Variants in IGF1R observed in about 807,000 individuals in gnomAD.
IGF1R encodes the protein insulin-like growth factor 1 receptor.
IGF1R carries 44 observed loss-of-function variants against 144.6 expected under a neutral mutation model. The ratio of observed to expected loss-of-function variants is 0.30; its 90% CI spans 0.24 to 0.39. IGF1R has a LOEUF of 0.39. Among genes scored for constraint, IGF1R ranks in the 10% least tolerant of loss-of-function variants. IGF1R has a pLI of 1.00. For synonymous variants in IGF1R, 795 were observed against 722.8 expected (o/e 1.10, Z -1.60); for missense variants, 1,355 against 1,833.7 (o/e 0.74, Z 4.77).
In IGF1R at chr15:98,794,690, A is replaced by G. The variant is rs531131235; in HGVS notation, c.640+86583A>G. ...AACTGCTGTACAAATGTTTGCTGCTATTTGGTTGTAACAAAATCAGTAATG... is the reference window on the plus strand; with the variant it reads ...AACTGCTGTACAAATGTTTGCTGCTGTTTGGTTGTAACAAAATCAGTAATG... On this transcript the variant is annotated intron_variant, in intron 2 of 20. Coordinates refer to ENST00000650285, the MANE Select transcript of IGF1R (RefSeq NM_000875.5). Among the ~76,000 whole-genome samples, 6 of 152,340 alleles carry G rather than the reference A, an allele frequency of 3.9e-5. No individual in the cohort carries two copies. The East Asian group carries it at 1.2e-3, about 29-fold the overall frequency.
In IGF1R at chr15:98,920,043, T is replaced by C. The variant is rs1308455279; in HGVS notation, c.2202-2105T>C. 3.9e-5 allele frequency among the ~76,000 whole-genome samples: 6 copies of C among 152,382 alleles called. No individual in the cohort carries two copies. In the East Asian group the frequency reaches 1.2e-3, roughly 29 times the overall value. ...TTCTGAAGTCAATATTCGCAGTAAA[T>C]GCCTTTCTTTGACTACTGTCTTTAT... is the stretch of plus-strand genomic sequence containing the variant. On this transcript the variant is annotated intron_variant, in intron 10 of 20. Transcript: ENST00000650285.
At chr15:98,711,184 A>G (rs1186273512) in intron 2 of IGF1R, among the ~76,000 whole-genome samples, 2 of 152,156 alleles carry the variant, frequency 1.3e-5, no homozygotes, top group Non-Finnish European at 2.9e-5. Flanking sequence ...CATGAAGGGC[A>G]TTGAGTCCAG....
intron 13 of IGF1R, among the ~76,000 whole-genome samples, chr15:98,927,746 T>A (rs1192559279): frequency 3.3e-5 from 5 of 152,210 alleles, no homozygotes; most frequent in Non-Finnish European, 7.3e-5. Flanking sequence ...TTAAAATACT[T>A]CTAATTTTAA....
chr15:98,859,990 A>C, intron 2 of IGF1R, among the ~76,000 whole-genome samples: 1 of 152,076 alleles, frequency 6.6e-6, no homozygotes, highest in Non-Finnish European at 1.5e-5. Flanking sequence ...ATCTCGGCTC[A>C]CTGCAACCTT....
At chr15:98,694,272 G>A (rs1014173264) in intron 1 of IGF1R, among the ~76,000 whole-genome samples, 20 of 152,128 alleles carry the variant, frequency 1.3e-4, no homozygotes, top group African/African-American at 1.2e-4. Context: ...GGGGTGAGGC[G>A]GCTCCTCAAA....
At chr15:98,809,705 T>C (rs2056543725) in intron 2 of IGF1R, among the ~76,000 whole-genome samples, 1 of 152,214 alleles carries the variant, frequency 6.6e-6, no homozygotes, top group Non-Finnish European at 1.5e-5. Flanking sequence ...TTTTCCAACG[T>C]AAAGTGCTGC....
At chr15:98,702,054 T>TTTC (rs1555433471) in intron 1 of IGF1R, among the ~76,000 whole-genome samples, 3 of 150,196 alleles carry the variant, frequency 2.0e-5, no homozygotes, top group Non-Finnish European at 3.0e-5. Flanking sequence ...TTTTTTTTTT[T>TTTC]CCTAGGACCT....
intron 1 of IGF1R, among the ~76,000 whole-genome samples, chr15:98,688,329 T>A (rs1464129962): frequency 1.1e-5 from 1 of 93,726 alleles, no homozygotes; most frequent in Admixed American, 1.3e-4. Context: ...CTCTCCCTCC[T>A]CTCTCTGCCT....
intron 1 of IGF1R, among the ~76,000 whole-genome samples, chr15:98,703,909 A>C (rs2053797344): frequency 6.6e-6 from 1 of 152,180 alleles, no homozygotes; most frequent in African/African-American, 2.4e-5. Flanking sequence ...GAGCCTGTCT[A>C]ATCCAAAAAT....
chr15:98,840,259 G>C (rs2011150911), intron 2 of IGF1R, among the ~76,000 whole-genome samples: 1 of 152,274 alleles, frequency 6.6e-6, no homozygotes, highest in South Asian at 2.1e-4. Flanking sequence ...CGTGATGAAA[G>C]ATACTGCAAA....
At position 98,757,749 on chromosome 15, in the gene IGF1R, C is replaced by A. The variant is rs75056106; in HGVS notation, c.640+49642C>A. 2.6e-5 allele frequency among the ~76,000 whole-genome samples: 4 copies of A among 152,082 alleles called. No individual in the cohort carries two copies. In the East Asian group the frequency reaches 7.7e-4, roughly 29 times the overall value. ...GCTGGACTTTTAAAACCCATTGAGA[C>A]ATTTTTGTTCTCTAATAGGGACGTT... is the stretch of plus-strand genomic sequence containing the variant. On this transcript the variant is annotated intron_variant, in intron 2 of 20. Coordinates refer to ENST00000650285, the MANE Select transcript of IGF1R (RefSeq NM_000875.5).
Position 98,923,870 on chromosome 15 carries a change from G to A in IGF1R, c.2486-6G>A. 6.2e-7 allele frequency: 1 copy of A among 1,613,672 alleles called. No individual in the cohort carries two copies. On this transcript the variant is annotated splice_region_variant and splice_polypyrimidine_tract_variant and intron_variant, in intron 11 of 20. Coordinates refer to ENST00000650285, the MANE Select transcript of IGF1R (RefSeq NM_000875.5). Reference sequence around the variant, plus strand: ...TCCAACTTTGTCACCTGTTTAAATTGTACAGAAGGAGCAGATGACATTCCT... The same window carrying A: ...TCCAACTTTGTCACCTGTTTAAATTATACAGAAGGAGCAGATGACATTCCT...
intron 10 of IGF1R, among the ~76,000 whole-genome samples, chr15:98,919,365 G>T (rs1349042584): frequency 6.6e-6 from 1 of 152,202 alleles, no homozygotes; most frequent in Non-Finnish European, 1.5e-5. Context: ...TCTATCATGG[G>T]CCCTTGGTTA....
Position 98,704,811 on chromosome 15 carries a change from C to T in IGF1R, c.95-2751C>T, listed in dbSNP as rs889949951. 3.3e-5 allele frequency among the ~76,000 whole-genome samples: 5 copies of T among 151,940 alleles called. No individual in the cohort carries two copies. The highest frequency in any genetic ancestry group is 1.2e-4 in the African/African-American group (5 of 41,348). On this transcript the variant is annotated intron_variant, in intron 1 of 20. Coordinates refer to ENST00000650285, the MANE Select transcript of IGF1R (RefSeq NM_000875.5). The surrounding 1 kb of genome is among the most constrained non-coding windows in gnomAD (Gnocchi z 4.9). ...CAGCGTGCTGCACAGGGAGGAAAGACGTGGGGCAGCATTGTGGGAAGAGCA... is the reference window on the plus strand; with the variant it reads ...CAGCGTGCTGCACAGGGAGGAAAGATGTGGGGCAGCATTGTGGGAAGAGCA...
chr15:98,802,660 A>G (rs1027497634), intron 2 of IGF1R, among the ~76,000 whole-genome samples: 6 of 152,224 alleles, frequency 3.9e-5, no homozygotes, highest in Admixed American at 6.5e-5. Flanking sequence ...TGGACGTGCA[A>G]ACATCTACCT....
intron 2 of IGF1R, among the ~76,000 whole-genome samples, chr15:98,840,681 T>G (rs1409306947): frequency 2.0e-5 from 3 of 150,386 alleles, no homozygotes; most frequent in East Asian, 3.9e-4. Flanking sequence ...TGTTTTGTTT[T>G]TTTTTTTTTT....
chr15:98,867,715 T>TA (rs1157689550), intron 2 of IGF1R, among the ~76,000 whole-genome samples: 1 of 152,208 alleles, frequency 6.6e-6, no homozygotes, highest in Non-Finnish European at 1.5e-5. Context: ...AATGAACAAA[T>TA]ATTTAATAAG....
At chr15:98,696,707 G>A (rs1287253807) in intron 1 of IGF1R, among the ~76,000 whole-genome samples, 1 of 152,166 alleles carries the variant, frequency 6.6e-6, no homozygotes, top group Non-Finnish European at 1.5e-5. Flanking sequence ...GGCTATGATT[G>A]GCTGTCATCT....
At chr15:98,860,390 C>CA (rs1217607670) in intron 2 of IGF1R, among the ~76,000 whole-genome samples, 1 of 152,194 alleles carries the variant, frequency 6.6e-6, no homozygotes, top group Non-Finnish European at 1.5e-5. Flanking sequence ...CCAGGCCTCT[C>CA]ACAGCAAGTC....
Sources: gnomAD v4.1 joint callset for allele counts (sites outside exome capture counted in the v4.1 genomes callset) on GRCh38, gnomAD v4.1.1 for gene constraint, Gnocchi (gnomAD v3.1) non-coding constraint, MANE v1.5 for transcripts, NCBI Gene and HGNC (gene_info 2026-07-23, HGNC 2026-07-21) for gene names.